Variants in TAOK3 observed in about 807,000 individuals in gnomAD.
TAOK3 encodes serine/threonine-protein kinase TAO3.
A neutral mutation model predicts 120.4 loss-of-function variants in TAOK3; 40 were observed. The ratio of observed to expected loss-of-function variants is 0.33; its 90% CI spans 0.26 to 0.43. TAOK3 has a LOEUF of 0.43. TAOK3 is among the 20% of genes least tolerant of loss of function. The pLI is 1.00. For synonymous variants in TAOK3, 355 were observed against 387.5 expected (o/e 0.92, Z 0.99); for missense variants, 821 against 1,112.1 (o/e 0.74, Z 3.72).
At chr12:118,213,876 G>T in intron 10 of TAOK3, 141 bp downstream of exon 10, 1 of 707,156 alleles carries the variant, frequency 1.4e-6, no homozygotes, top group Non-Finnish European at 2.3e-6. Context: ...TGATGCTTGT[G>T]AGGCATCAGT....
In TAOK3 at chr12:118,150,935, G is replaced by A. The variant is rs1423331569; in HGVS notation, c.*62C>T. The A allele has an allele frequency of 1.3e-6, 2 of 1,489,774 alleles. No homozygotes were observed. Among genetic ancestry groups the A allele is most frequent in the Non-Finnish European group, 1.8e-6 (2 of 1,111,140 alleles). 92.3% of individuals were successfully genotyped at this position (1,489,774 alleles called of 1,614,324 possible). On this transcript the variant is annotated 3_prime_UTR_variant, in exon 21 of 21. Coordinates refer to ENST00000392533, the MANE Select transcript of TAOK3 (RefSeq NM_016281.4). Reference sequence around the variant, plus strand: ...AAAATGGGGAATGTGGTTTTGCAGGGTCTGAATTTTTTTCTGTTTTCTTTT... The same window carrying A: ...AAAATGGGGAATGTGGTTTTGCAGGATCTGAATTTTTTTCTGTTTTCTTTT...
intron 1 of TAOK3, among the ~76,000 whole-genome samples, chr12:118,282,103 A>G (rs1259732061): frequency 1.3e-5 from 2 of 152,250 alleles, no homozygotes; most frequent in Non-Finnish European, 2.9e-5. Flanking sequence ...AACCTGGCAT[A>G]CAAACCACTC....
intron 13 of TAOK3, among the ~76,000 whole-genome samples, chr12:118,191,688 G>A (rs117105414): frequency 0.032 from 4,895 of 152,230 alleles, 133 homozygotes; most frequent in Non-Finnish European, 0.049. Context: ...GAGCGAGAAC[G>A]TGTGTAATTG....
At chr12:118,156,205 T>A (rs748791745) in intron 19 of TAOK3, among the ~76,000 whole-genome samples, 1 of 152,226 alleles carries the variant, frequency 6.6e-6, no homozygotes, top group Non-Finnish European at 1.5e-5. Flanking sequence ...GCACTCATTC[T>A]GATCCTAACC....
intron 9 of TAOK3, among the ~76,000 whole-genome samples, chr12:118,214,554 A>G (rs1023928964): frequency 6.6e-6 from 1 of 151,960 alleles, no homozygotes; most frequent in Non-Finnish European, 1.5e-5. Context: ...TAGAATAAGG[A>G]AAAAAGATTA....
chr12:118,347,916 A>G (rs1473998666), intron 1 of TAOK3, among the ~76,000 whole-genome samples: 1 of 152,220 alleles, frequency 6.6e-6, no homozygotes, highest in Non-Finnish European at 1.5e-5. Context: ...TTGATAGAGT[A>G]ATCTTTCAAA....
At chr12:118,293,893 T>TA (rs1336363189) in intron 1 of TAOK3, among the ~76,000 whole-genome samples, 2 of 147,818 alleles carry the variant, frequency 1.4e-5, no homozygotes, top group African/African-American at 2.5e-5. Flanking sequence ...CGCACGCCTG[T>TA]AATCCCAGCT....
At chr12:118,246,144 A>C (rs982313217) in intron 3 of TAOK3, 3 of 1,424,414 alleles carry the variant, frequency 2.1e-6, no homozygotes, top group Non-Finnish European at 2.9e-6. Flanking sequence ...TGGGATGGGG[A>C]ACCGCGGTGG....
At chr12:118,196,882 G>A (rs1273218752) in intron 13 of TAOK3, among the ~76,000 whole-genome samples, 2 of 152,086 alleles carry the variant, frequency 1.3e-5, no homozygotes, top group African/African-American at 4.8e-5. Flanking sequence ...TTTGTTATTT[G>A]TCCAAAGTAA....
chr12:118,328,456 T>C (rs998275543), intron 1 of TAOK3, among the ~76,000 whole-genome samples: 1 of 152,174 alleles, frequency 6.6e-6, no homozygotes, highest in African/African-American at 2.4e-5. Context: ...TTGCAGTCTA[T>C]AGAACAAATG....
chr12:118,192,335 A>G (rs17512177), intron 13 of TAOK3, among the ~76,000 whole-genome samples: 18,287 of 152,210 alleles, frequency 0.12, 1,193 homozygotes, highest in Middle Eastern at 0.15. Context: ...GAATAGGTTC[A>G]AAATTTTAAC....
intron 3 of TAOK3, chr12:118,246,001 C>T: frequency 1.7e-6 from 1 of 592,620 alleles, no homozygotes; most frequent in Non-Finnish European, 2.9e-6. Flanking sequence ...AAGTAGAATC[C>T]AATTTTTGCA....
intron 19 of TAOK3, among the ~76,000 whole-genome samples, chr12:118,155,836 G>A (rs1263057057): frequency 6.6e-6 from 1 of 151,932 alleles, no homozygotes; most frequent in Non-Finnish European, 1.5e-5. Context: ...TCCTGGGCTT[G>A]AGTGATCCTC....
intron 1 of TAOK3, among the ~76,000 whole-genome samples, chr12:118,364,193 A>T (rs1021001092): frequency 2.0e-5 from 3 of 152,186 alleles, no homozygotes; most frequent in Non-Finnish European, 4.4e-5. Flanking sequence ...TGAGTTTGGT[A>T]GGTCATGGGG....
intron 1 of TAOK3, among the ~76,000 whole-genome samples, chr12:118,368,358 C>T (rs564901071): frequency 1.3e-5 from 2 of 152,098 alleles, no homozygotes; most frequent in Admixed American, 6.5e-5. Context: ...CACCACGCCC[C>T]GGCTAATGTT....
intron 9 of TAOK3, among the ~76,000 whole-genome samples, chr12:118,228,941 G>C (rs926754439): frequency 2.0e-5 from 3 of 151,966 alleles, no homozygotes; most frequent in African/African-American, 7.3e-5. Context: ...TTTTATTTGA[G>C]ATAGGGTCTT....
At chr12:118,347,857 A>C (rs561001514) in intron 1 of TAOK3, among the ~76,000 whole-genome samples, 1 of 152,306 alleles carries the variant, frequency 6.6e-6, no homozygotes, top group South Asian at 2.1e-4. Context: ...CTACTAGTCC[A>C]AGTTCTCATT....
intron 11 of TAOK3, among the ~76,000 whole-genome samples, chr12:118,202,325 A>G (rs992503389): frequency 3.3e-5 from 5 of 152,026 alleles, no homozygotes; most frequent in Admixed American, 1.3e-4. Flanking sequence ...TGTGATGAAC[A>G]TGGGGGCACA....
intron 2 of TAOK3, among the ~76,000 whole-genome samples, chr12:118,264,037 G>A (rs1012011843): frequency 1.3e-5 from 2 of 152,252 alleles, no homozygotes; most frequent in African/African-American, 4.8e-5. Flanking sequence ...TTGCACTCCA[G>A]CCTGGGCAAC....
Sources: gnomAD v4.1 joint callset for allele counts (sites outside exome capture counted in the v4.1 genomes callset) on GRCh38, gnomAD v4.1.1 for gene constraint, MANE v1.5 for transcripts, NCBI Gene and HGNC (gene_info 2026-07-23, HGNC 2026-07-21) for gene names.